ST6GALNAC3: variants seen among roughly 807,000 people sequenced by gnomAD.
The protein encoded by ST6GALNAC3 is ST6 N-acetylgalactosaminide alpha-2,6-sialyltransferase 3, also known as alpha-N-acetylgalactosaminide alpha-2,6-sialyltransferase 3.
In ST6GALNAC3, 25 loss-of-function variants were observed where a neutral mutation model predicts 32.7. The ratio of observed to expected loss-of-function variants is 0.76; its 90% CI spans 0.56 to 1.07. The LOEUF (loss-of-function observed/expected upper bound fraction) is 1.07, where lower values mean the gene tolerates loss of function less well. Ranked by LOEUF, ST6GALNAC3 falls within the 50% of genes least tolerant of loss-of-function variation. ST6GALNAC3 has a pLI of 0.00. For synonymous variants in ST6GALNAC3, 129 were observed against 133.1 expected (o/e 0.97, Z 0.21); for missense variants, 355 against 382.4 (o/e 0.93, Z 0.60).
chr1:76,550,799 G>A (rs190199635), intron 3 of ST6GALNAC3, among the ~76,000 whole-genome samples: 4 of 152,218 alleles, frequency 2.6e-5, no homozygotes, highest in Admixed American at 2.6e-4. Flanking sequence ...CACCCAGGCT[G>A]GAATGCAATG....
At position 76,593,999 on chromosome 1, in the gene ST6GALNAC3, T is replaced by A. The variant is rs1246297040; in HGVS notation, c.624-33453T>A. 2.6e-5 allele frequency among the ~76,000 whole-genome samples: 4 copies of A among 151,980 alleles called. No individual in the cohort carries two copies. The East Asian group carries it at 7.7e-4, about 29-fold the overall frequency. ...AAGTAGCATGAGAAAGACCCCAGGG[T>A]GGAAGGGGGCCCTTGTGCTGCCCCT... On this transcript the variant is annotated intron_variant, in intron 3 of 4. Coordinates refer to ENST00000328299, the MANE Select transcript of ST6GALNAC3 (RefSeq NM_152996.4).
At chr1:76,094,928 A>C (rs1387646773) in intron 1 of ST6GALNAC3, among the ~76,000 whole-genome samples, 1 of 151,404 alleles carries the variant, frequency 6.6e-6, no homozygotes, top group Admixed American at 6.6e-5. Context: ...CCATCACTCA[A>C]CATCACTCAC....
intron 3 of ST6GALNAC3, among the ~76,000 whole-genome samples, chr1:76,504,466 C>T (rs1229045862): frequency 6.6e-6 from 1 of 152,046 alleles, no homozygotes; most frequent in Non-Finnish European, 1.5e-5. Flanking sequence ...ACCATTCAAC[C>T]TGATACAATA....
chr1:76,572,122 T>C (rs1015939402), intron 3 of ST6GALNAC3, among the ~76,000 whole-genome samples: 6 of 152,034 alleles, frequency 3.9e-5, no homozygotes, highest in Non-Finnish European at 8.8e-5. Context: ...TCCTTTTTTT[T>C]CCTCTTTTTT....
At chr1:76,117,064 G>A (rs927517627) in intron 1 of ST6GALNAC3, among the ~76,000 whole-genome samples, 5 of 152,162 alleles carry the variant, frequency 3.3e-5, no homozygotes, top group African/African-American at 1.2e-4. Flanking sequence ...TAATATAACA[G>A]TATTCCCCTA....
intron 2 of ST6GALNAC3, among the ~76,000 whole-genome samples, chr1:76,375,523 G>T (rs527773286): frequency 3.2e-4 from 48 of 152,260 alleles, no homozygotes; most frequent in African/African-American, 1.2e-3. Context: ...TAGTTACAAA[G>T]ATAAAAAAGC....
At chr1:76,291,954 A>G (rs1010624579) in intron 1 of ST6GALNAC3, among the ~76,000 whole-genome samples, 1 of 152,208 alleles carries the variant, frequency 6.6e-6, no homozygotes, top group Non-Finnish European at 1.5e-5. Context: ...CTGGTGGACA[A>G]CTCATCTCAT....
At chr1:76,140,676 G>T (rs1448189352) in intron 1 of ST6GALNAC3, among the ~76,000 whole-genome samples, 1 of 145,638 alleles carries the variant, frequency 6.9e-6, no homozygotes, top group Non-Finnish European at 1.5e-5. Flanking sequence ...CCAAGCTGGA[G>T]TACAGTGGTG....
chr1:76,093,816 T>A (rs1647084260), intron 1 of ST6GALNAC3, among the ~76,000 whole-genome samples: 1 of 152,184 alleles, frequency 6.6e-6, no homozygotes, highest in African/African-American at 2.4e-5. Flanking sequence ...AAAACCTCAC[T>A]TCTTTGTCCT....
rs368030906 is a variant in ST6GALNAC3 at position 76,256,645 on chromosome 1, G to A, written c.19-57160G>A. Among the ~76,000 whole-genome samples the A allele has an allele frequency of 2.8e-4, 42 of 152,034 alleles. No individual in the cohort carries two copies. The East Asian group carries it at 7.3e-3, about 27-fold the overall frequency. ...TGAATTTTGCCAGGGGGGTGGGGTG[G>A]GGTATGTATTATGTGTTCACGGGAT... is the stretch of plus-strand genomic sequence containing the variant. On this transcript the variant is annotated intron_variant, in intron 1 of 4. Coordinates refer to ENST00000328299, the MANE Select transcript of ST6GALNAC3 (RefSeq NM_152996.4).
chr1:76,339,573 A>C (rs372434263), intron 2 of ST6GALNAC3, among the ~76,000 whole-genome samples: 3 of 152,186 alleles, frequency 2.0e-5, no homozygotes, highest in African/African-American at 7.2e-5. Context: ...TGCATTAAGG[A>C]AGGCATTTTT....
At chr1:76,442,188 A>G (rs1340624065) in intron 3 of ST6GALNAC3, among the ~76,000 whole-genome samples, 2 of 152,148 alleles carry the variant, frequency 1.3e-5, no homozygotes, top group South Asian at 2.1e-4. Flanking sequence ...TTATAATTCA[A>G]TGATTAGTCA....
intron 3 of ST6GALNAC3, among the ~76,000 whole-genome samples, chr1:76,472,900 G>T (rs1659125302): frequency 6.6e-6 from 1 of 152,052 alleles, no homozygotes; most frequent in African/African-American, 2.4e-5. Flanking sequence ...AAAAGAAGTG[G>T]CTCTCGGAGA....
chr1:76,636,544 G>A (rs1649509486), downstream of ST6GALNAC3, among the ~76,000 whole-genome samples: 1 of 151,930 alleles, frequency 6.6e-6, no homozygotes, highest in African/African-American at 2.4e-5. Flanking sequence ...GTACTAATAT[G>A]CCTTAAAAAG....
intron 2 of ST6GALNAC3, among the ~76,000 whole-genome samples, chr1:76,405,341 ATTAT>A (rs1488130336): frequency 6.6e-6 from 1 of 152,094 alleles, no homozygotes; most frequent in Non-Finnish European, 1.5e-5. Flanking sequence ...ACAAATTTTA[ATTAT>A]TTATTCTATT....
intron 2 of ST6GALNAC3, among the ~76,000 whole-genome samples, chr1:76,340,397 C>T (rs1295729135): frequency 6.6e-6 from 1 of 152,144 alleles, no homozygotes; most frequent in Non-Finnish European, 1.5e-5. Context: ...CTGCTGTAGT[C>T]CTTAAACCCT....
intron 3 of ST6GALNAC3, among the ~76,000 whole-genome samples, chr1:76,467,329 A>G (rs534935218): frequency 6.6e-6 from 1 of 152,076 alleles, no homozygotes; most frequent in African/African-American, 2.4e-5. Context: ...GCTTTTTGGA[A>G]GGGGCTCTAT....
intron 3 of ST6GALNAC3, among the ~76,000 whole-genome samples, chr1:76,593,624 A>G (rs1463413393): frequency 6.6e-6 from 1 of 152,228 alleles, no homozygotes; most frequent in Non-Finnish European, 1.5e-5. Flanking sequence ...ACACCCGATC[A>G]AGAGTGTTAG....
At chr1:76,229,147 T>C (rs1656227078) in intron 1 of ST6GALNAC3, among the ~76,000 whole-genome samples, 1 of 152,136 alleles carries the variant, frequency 6.6e-6, no homozygotes, top group Non-Finnish European at 1.5e-5. Context: ...TGACTCCTTA[T>C]TCTCAATAAA....
Sources: gnomAD v4.1 joint callset for allele counts (sites outside exome capture counted in the v4.1 genomes callset) on GRCh38, gnomAD v4.1.1 for gene constraint, MANE v1.5 for transcripts, NCBI Gene and HGNC (gene_info 2026-07-23, HGNC 2026-07-21) for gene names.